IAPP: variants seen among roughly 807,000 people sequenced by gnomAD.
The protein encoded by IAPP is Islet amyloid polypeptide (diabetes-associated peptide; amylin).
Under a neutral mutation model 2.9 loss-of-function variants are expected in IAPP, and 4 were observed. That is an observed-to-expected ratio of 1.39 (90% CI 0.69 to 3.19). The LOEUF (loss-of-function observed/expected upper bound fraction) is 3.19, where lower values mean the gene tolerates loss of function less well. Among genes scored for constraint, IAPP ranks in the 30% most tolerant of loss-of-function variants. The pLI is 0.01. For synonymous variants in IAPP, 40 were observed against 42.1 expected (o/e 0.95, Z 0.19); for missense variants, 114 against 105.3 (o/e 1.08, Z -0.36).
intron 1 of IAPP, 134 bp downstream of exon 1, chr12:21,373,138 G>A (rs1052186618): frequency 8.5e-6 from 5 of 587,660 alleles, no homozygotes; most frequent in Non-Finnish European, 1.5e-5. Flanking sequence ...ATTGCTTAGA[G>A]AAGGAAATTG....
chr12:21,363,976 G>T (rs1029977068), intron 1 of IAPP, among the ~76,000 whole-genome samples: 3 of 152,148 alleles, frequency 2.0e-5, no homozygotes, highest in East Asian at 3.8e-4. Context: ...GTAAAAAGAG[G>T]AGCTGGTACC....
chr12:21,358,848 A>G (rs1470569154), intron 1 of IAPP, among the ~76,000 whole-genome samples: 1 of 152,228 alleles, frequency 6.6e-6, no homozygotes, highest in African/African-American at 2.4e-5. Flanking sequence ...TCCTGAAGGA[A>G]TAAACATGTA....
At chr12:21,369,108 A>C (rs1018485737), upstream of IAPP, among the ~76,000 whole-genome samples, 1 of 152,176 alleles carries the variant, frequency 6.6e-6, no homozygotes, top group East Asian at 1.9e-4. Flanking sequence ...AACACATACA[A>C]ATTTGATAAA....
In IAPP at chr12:21,373,317, T is replaced by C; in HGVS notation, c.-15-20T>C. On this transcript the variant is annotated intron_variant, in intron 1 of 2. Coordinates refer to ENST00000240652, the MANE Select transcript of IAPP (RefSeq NM_000415.3). ...ACTGTAAGAAATCTCTTGATTTCAG[T>C]GCTGGATTATTCTTTGCAGAAAATT... is the stretch of plus-strand genomic sequence containing the variant. 2 of 1,376,524 alleles carry C rather than the reference T, an allele frequency of 1.5e-6. No homozygotes were observed. Among genetic ancestry groups the C allele is most frequent in the Non-Finnish European group, 2.1e-6 (2 of 963,672 alleles). The allele number at this position is 1,376,524 out of a possible 1,614,324, so 85.3% of individuals were successfully genotyped here.
intron 1 of IAPP, among the ~76,000 whole-genome samples, chr12:21,364,785 C>T (rs373420554): frequency 6.6e-6 from 1 of 152,252 alleles, no homozygotes; most frequent in East Asian, 1.9e-4. Flanking sequence ...CATGAGTGAA[C>T]TCCATTCACA....
upstream of IAPP, among the ~76,000 whole-genome samples, chr12:21,371,892 C>T (rs1215887563): frequency 1.3e-5 from 2 of 151,934 alleles, no homozygotes; most frequent in African/African-American, 4.8e-5. Context: ...ATCCCAGCTA[C>T]TCTGTAGGCT....
intron 1 of IAPP, among the ~76,000 whole-genome samples, chr12:21,366,397 C>T (rs1364820026): frequency 4.9e-4 from 8 of 16,390 alleles, no homozygotes; most frequent in African/African-American, 1.6e-3. Flanking sequence ...ACGGGCCTGC[C>T]GGGGGGTGGG....
intron 1 of IAPP, among the ~76,000 whole-genome samples, chr12:21,366,940 G>GA (rs1057490114): frequency 1.4e-4 from 21 of 151,862 alleles, no homozygotes; most frequent in Admixed American, 1.1e-3. Flanking sequence ...CAAATATCAA[G>GA]AAAAAATTCA....
At chr12:21,361,309 C>G (rs1281509542) in intron 1 of IAPP, among the ~76,000 whole-genome samples, 1 of 152,198 alleles carries the variant, frequency 6.6e-6, no homozygotes, top group African/African-American at 2.4e-5. Flanking sequence ...TCCAACAGAC[C>G]TGCAGTTGAG....
intron 1 of IAPP, 31 bp from the exon 2 acceptor site, chr12:21,373,306 C>G: frequency 7.9e-7 from 1 of 1,259,094 alleles, no homozygotes; most frequent in Non-Finnish European, 1.2e-6. Context: ...TAAGAAATCT[C>G]TTGATTTCAG....
chr12:21,378,481 T>C lies in IAPP; in HGVS notation c.*55T>C, dbSNP rs1940373309. On this transcript the variant is annotated 3_prime_UTR_variant, in exon 3 of 3. Coordinates refer to ENST00000240652, the MANE Select transcript of IAPP (RefSeq NM_000415.3). ...TATGTTCTAGTGATTTCCTGTATAA[T>C]TTAACAGTGCCCTTTTCATCTCCAG... 6.3e-6 allele frequency: 9 copies of C among 1,420,996 alleles called. No individual in the cohort carries two copies. The South Asian group carries it at 1.0e-4, about 16-fold the overall frequency. The allele number at this position is 1,420,996 out of a possible 1,614,324, so 88.0% of individuals were successfully genotyped here.
At chr12:21,360,930 G>T (rs1330275339) in intron 1 of IAPP, among the ~76,000 whole-genome samples, 1 of 152,206 alleles carries the variant, frequency 6.6e-6, no homozygotes, top group Non-Finnish European at 1.5e-5. Context: ...AAGGAGGCCT[G>T]CCTGCCTCTG....
At position 21,372,912 on chromosome 12, in the gene IAPP, A is replaced by C. The variant is rs2137091505; in HGVS notation, c.-108A>C. On this transcript the variant is annotated 5_prime_UTR_variant, in exon 1 of 3. Coordinates refer to ENST00000240652, the MANE Select transcript of IAPP (RefSeq NM_000415.3). ...TACTAGTTAGCAAATGAGGGGGTAA[A>C]TATTCCAGTGGATACAAGCTTGGAC... 1 of 201,530 alleles carries C rather than the reference A, an allele frequency of 5.0e-6. No homozygotes were observed. The highest frequency in any genetic ancestry group is 2.2e-3 in the Middle Eastern group (1 of 456). The allele number at this position is 201,530 out of a possible 1,614,324, so 12.5% of individuals were successfully genotyped here. A position where few individuals can be genotyped will look rare whatever the true frequency, so the allele number is the denominator to read the frequency against.
Position 21,372,955 on chromosome 12 carries a change from C to A in IAPP, c.-65C>A, listed in dbSNP as rs962254196. The A allele has an allele frequency of 4.2e-6, 1 of 236,304 alleles. No homozygotes were observed. Among genetic ancestry groups the A allele is most frequent in the Non-Finnish European group, 8.3e-6 (1 of 121,176 alleles). The allele number at this position is 236,304 out of a possible 1,614,324, so 14.6% of individuals were successfully genotyped here. ...GCTTGGACTCTTTTCTTGAAGCTTTCTTTCTATCAGAAGCATTTGCTGATA... is the reference window on the plus strand; with the variant it reads ...GCTTGGACTCTTTTCTTGAAGCTTTATTTCTATCAGAAGCATTTGCTGATA... On this transcript the variant is annotated 5_prime_UTR_variant, in exon 1 of 3. Transcript: ENST00000240652.
intron 1 of IAPP, 33 bp from the exon 2 acceptor site, chr12:21,373,304 C>T: frequency 8.1e-7 from 1 of 1,235,944 alleles, no homozygotes; most frequent in East Asian, 2.3e-5. Context: ...TGTAAGAAAT[C>T]TCTTGATTTC....
In IAPP at chr12:21,378,718, A is replaced by G. The variant is rs1940389224; in HGVS notation, c.*292A>G. ...GGCACAGGTTTAAGAACGAAGGAGAAAAAGGTAGTTTGAACCTTGGTAAAT... is the reference window on the plus strand; with the variant it reads ...GGCACAGGTTTAAGAACGAAGGAGAGAAAGGTAGTTTGAACCTTGGTAAAT... On this transcript the variant is annotated 3_prime_UTR_variant, in exon 3 of 3. Transcript: ENST00000240652. The G allele has an allele frequency of 3.5e-6, 1 of 289,580 alleles. No individual in the cohort carries two copies. The highest frequency in any genetic ancestry group is 2.1e-5 in the African/African-American group (1 of 46,520). 17.9% of individuals were successfully genotyped at this position (289,580 alleles called of 1,614,324 possible).
intron 1 of IAPP, among the ~76,000 whole-genome samples, chr12:21,365,337 T>C (rs1939288632): frequency 6.6e-6 from 1 of 152,218 alleles, no homozygotes; most frequent in South Asian, 2.1e-4. Context: ...GAAAACTGGC[T>C]AGCCATATGT....
chr12:21,373,113 A>T, intron 1 of IAPP, 109 bp downstream of exon 1: 3 of 552,480 alleles, frequency 5.4e-6, no homozygotes, highest in Non-Finnish European at 6.4e-6. Flanking sequence ...AATGTATTAC[A>T]ATATAAATGT....
In IAPP at chr12:21,379,497, A is replaced by G. The variant is rs1284785673; in HGVS notation, c.*1071A>G. On this transcript the variant is annotated 3_prime_UTR_variant, in exon 3 of 3. Coordinates refer to ENST00000240652, the MANE Select transcript of IAPP (RefSeq NM_000415.3). ...CAGACTTCTGGAAACTCTTTGCTGT[A>G]TAAGAATTATTTCTTTTGTTTAACA... The G allele has an allele frequency of 6.6e-6, 1 of 152,238 alleles. No homozygotes were observed. Among genetic ancestry groups the G allele is most frequent in the Non-Finnish European group, 1.5e-5 (1 of 68,028 alleles). The allele number at this position is 152,238 out of a possible 1,614,324, so 9.4% of individuals were successfully genotyped here.
Sources: gnomAD v4.1 joint callset for allele counts (sites outside exome capture counted in the v4.1 genomes callset) on GRCh38, gnomAD v4.1.1 for gene constraint, MANE v1.5 for transcripts, NCBI Gene and HGNC (gene_info 2026-07-23, HGNC 2026-07-21) for gene names.